Variants in MTTP observed in about 807,000 individuals in gnomAD.
MTTP encodes microsomal triglyceride transfer protein, also known as microsomal triglyceride transfer protein large subunit.
A neutral mutation model predicts 90.6 loss-of-function variants in MTTP; 49 were observed. The observed-to-expected ratio is 0.54, with a 90% confidence interval of 0.43 to 0.69. MTTP has a LOEUF of 0.69. Among genes scored for constraint, MTTP ranks in the 30% least tolerant of loss-of-function variants. The pLI, the probability that MTTP is intolerant of heterozygous loss-of-function variation, is 0.00. For missense variants in MTTP, 945 were observed against 1,067.5 expected (o/e 0.89, Z 1.60); for synonymous variants, 347 against 384.2 (o/e 0.90, Z 1.13).
intron 1 of MTTP, among the ~76,000 whole-genome samples, chr4:99,581,269 C>G (rs924680150): frequency 6.6e-6 from 1 of 152,134 alleles, no homozygotes; most frequent in African/African-American, 2.4e-5. Context: ...TTAAATTACC[C>G]CATGCCAACT....
chr4:99,603,321 A>AGAAAGAAGAGAACAGT (rs1461439082), intron 10 of MTTP, among the ~76,000 whole-genome samples: 2 of 152,154 alleles, frequency 1.3e-5, no homozygotes, highest in African/African-American at 4.8e-5. Context: ...TTCATTCCAC[A>AGAAAGAAGAGAACAGT]GAAAGAAGAG....
intron 1 of MTTP, chr4:99,564,526 T>C (rs900808603): frequency 2.2e-5 from 7 of 323,702 alleles, no homozygotes; most frequent in Non-Finnish European, 4.0e-5. Context: ...TATTCATTCC[T>C]TGAGCTATTT....
Position 99,622,977 on chromosome 4 carries a change from T to C in MTTP, c.*129T>C. The C allele has an allele frequency of 8.8e-7, 1 of 1,137,592 alleles. No individual in the cohort carries two copies. The highest frequency in any genetic ancestry group is 1.3e-6 in the Non-Finnish European group (1 of 761,162). 70.5% of individuals were successfully genotyped at this position (1,137,592 alleles called of 1,614,324 possible). On this transcript the variant is annotated 3_prime_UTR_variant, in exon 18 of 18. Coordinates refer to ENST00000265517, the MANE Select transcript of MTTP (RefSeq NM_001386140.1). ...TGTATTTAAGATTTTTGTAAAAAGC[T>C]ACAAAAAACTGCAGTTTGATCAAAT... is the stretch of plus-strand genomic sequence containing the variant.
chr4:99,564,849 A>G (rs1407559488), intron 1 of MTTP, among the ~76,000 whole-genome samples: 1 of 152,240 alleles, frequency 6.6e-6, no homozygotes, highest in Non-Finnish European at 1.5e-5. Flanking sequence ...AATTAAATCC[A>G]GAATTTGAGA....
In MTTP at chr4:99,582,010, G is replaced by C. The variant is rs762420748; in HGVS notation, c.167G>C (p.Gly56Ala). 16 of 1,614,188 alleles carry C rather than the reference G, an allele frequency of 9.9e-6. No individual in the cohort carries two copies. Among genetic ancestry groups the C allele is most frequent in the Non-Finnish European group, 1.1e-5 (13 of 1,180,018 alleles). The stretch of plus-strand genomic sequence containing the variant: ...AAAGGAAAACTGCAAGACAGCGTGG[G>C]CTACCGCATTTCCTCCAACGTGGAT... ...RGKGKLQDSV[G>A]YRISSNVDVA... Residue 56 changes from glycine to alanine, a missense_variant, in exon 2 of 18, where the codon GGC (glycine) becomes GCC (alanine). Gly to Ala is a moderately conservative substitution (Grantham distance 60, BLOSUM62 0). Transcript: ENST00000265517.
chr4:99,619,833 C>T (rs1477058047), intron 16 of MTTP, among the ~76,000 whole-genome samples: 1 of 152,144 alleles, frequency 6.6e-6, no homozygotes, highest in African/African-American at 2.4e-5. Flanking sequence ...TGAAGTGTGA[C>T]CCACAGTGTT....
intron 15 of MTTP, among the ~76,000 whole-genome samples, chr4:99,613,454 G>A (rs192131131): frequency 2.0e-5 from 3 of 152,258 alleles, no homozygotes; most frequent in South Asian, 4.2e-4. Flanking sequence ...TCTCAGGCAC[G>A]AGGGCTTAGG....
chr4:99,577,787 T>A (rs1421028382), intron 1 of MTTP, among the ~76,000 whole-genome samples: 1 of 152,160 alleles, frequency 6.6e-6, no homozygotes, highest in Non-Finnish European at 1.5e-5. Context: ...AATTATACTT[T>A]GTCATGGTTG....
At chr4:99,609,058 G>A in intron 12 of MTTP, 81 bp downstream of exon 12, 1 of 1,316,324 alleles carries the variant, frequency 7.6e-7, no homozygotes, top group Non-Finnish European at 1.1e-6. Flanking sequence ...TAATAATAAT[G>A]ATGTGGTCAT....
intron 6 of MTTP, among the ~76,000 whole-genome samples, chr4:99,592,594 TAC>T (rs139636516): frequency 0.17 from 25,687 of 151,920 alleles, 2,684 homozygotes; most frequent in East Asian, 0.44. Flanking sequence ...AGCCTCGGCC[TAC>T]ACAAGGTCAG....
chr4:99,606,140 C>G (rs1268383879), intron 10 of MTTP, among the ~76,000 whole-genome samples: 1 of 152,090 alleles, frequency 6.6e-6, no homozygotes, highest in African/African-American at 2.4e-5. Flanking sequence ...TACACTCAAT[C>G]CCCCTTTTTC....
upstream of MTTP, chr4:99,574,607 G>A (rs1303779363): frequency 6.0e-6 from 3 of 503,334 alleles, no homozygotes; most frequent in Non-Finnish European, 1.1e-5. Flanking sequence ...TTTATAGGAT[G>A]GTAGACTGGT....
At chr4:99,573,476 A>G (rs1055175300), upstream of MTTP, among the ~76,000 whole-genome samples, 8 of 152,160 alleles carry the variant, frequency 5.3e-5, no homozygotes, top group African/African-American at 1.9e-4. Context: ...CTCCAACCAA[A>G]CAATTTATTT....
chr4:99,594,455 A>G lies in MTTP; in HGVS notation c.759-278A>G, dbSNP rs1029337580. Reference sequence around the variant, plus strand: ...AAATTCAAAAGAGCTGACATTGCATATCTTATTCATCATCCAGGCAATTTT... The same window carrying G: ...AAATTCAAAAGAGCTGACATTGCATGTCTTATTCATCATCCAGGCAATTTT... On this transcript the variant is annotated intron_variant, in intron 6 of 17. Transcript: ENST00000265517. 4.0e-4 allele frequency among the ~76,000 whole-genome samples: 61 copies of G among 152,336 alleles called. 1 individual carries two copies. The highest frequency in any genetic ancestry group is 1.3e-3 in the African/African-American group (53 of 41,586).
chr4:99,572,907 T>A (rs2110206399), upstream of MTTP, among the ~76,000 whole-genome samples: 1 of 152,286 alleles, frequency 6.6e-6, no homozygotes. Context: ...AAAAGGATGA[T>A]GTTATTTATA....
rs1725957884 is a variant in MTTP, at chr4:99,611,547, A to T, written c.1989+94A>T. ...TATATGCTGTGGGTAATGCTATAGA[A>T]TGTATAAGTTAATGGTGGCTTCTGT... On this transcript the variant is annotated intron_variant, in intron 14 of 17. Transcript: ENST00000265517. 3.3e-6 allele frequency: 5 copies of T among 1,498,022 alleles called. No homozygotes were observed. In the African/African-American group the frequency reaches 6.9e-5, roughly 21 times the overall value. 92.8% of individuals were successfully genotyped at this position (1,498,022 alleles called of 1,614,324 possible).
intron 1 of MTTP, among the ~76,000 whole-genome samples, chr4:99,580,035 C>CAAAAAAAAAAAA (rs34092272): frequency 1.6e-5 from 1 of 60,612 alleles, no homozygotes; most frequent in Non-Finnish European, 3.3e-5. Context: ...GACCCTGTCT[C>CAAAAAAAAAAAA]AAAAAAAAAA....
At chr4:99,598,284 G>T (rs1019071613) in intron 8 of MTTP, among the ~76,000 whole-genome samples, 2 of 152,090 alleles carry the variant, frequency 1.3e-5, no homozygotes, top group African/African-American at 4.8e-5. Flanking sequence ...AGAGGGACTT[G>T]TCTTAACATT....
In MTTP at chr4:99,582,016, G is replaced by A. The variant is rs201464944; in HGVS notation, c.173G>A (p.Arg58His). 7.2e-5 allele frequency: 116 copies of A among 1,614,056 alleles called. No homozygotes were observed. The highest frequency in any genetic ancestry group is 9.4e-5 in the Non-Finnish European group (111 of 1,180,014). Residue 58 changes from arginine to histidine, a missense_variant, in exon 2 of 18, where the codon CGC becomes CAC. By Grantham distance (29) the Arg-to-His change is conservative (BLOSUM62 0). Coordinates refer to ENST00000265517, the MANE Select transcript of MTTP (RefSeq NM_001386140.1). Reference protein sequence around the residue: ...KGKLQDSVGYRISSNVDVALL... With the variant: ...KGKLQDSVGYHISSNVDVALL... ...AAACTGCAAGACAGCGTGGGCTACC[G>A]CATTTCCTCCAACGTGGATGTGGCC...
Sources: gnomAD v4.1 joint callset for allele counts (sites outside exome capture counted in the v4.1 genomes callset) on GRCh38, gnomAD v4.1.1 for gene constraint, MANE v1.5 for transcripts, NCBI Gene and HGNC (gene_info 2026-07-23, HGNC 2026-07-21) for gene names.